BBS9: variants seen among roughly 807,000 people sequenced by gnomAD.
BBS9 encodes the protein protein PTHB1.
Under a neutral mutation model 117.7 loss-of-function variants are expected in BBS9, and 89 were observed. The ratio of observed to expected loss-of-function variants is 0.76; its 90% CI spans 0.64 to 0.90. The LOEUF (loss-of-function observed/expected upper bound fraction) is 0.90, where lower values mean the gene tolerates loss of function less well. Among genes scored for constraint, BBS9 ranks in the 40% least tolerant of loss-of-function variants. The probability of loss-of-function intolerance (pLI) is 0.00; values close to 1 mark genes in which losing one functional copy is unlikely to be tolerated. For missense variants in BBS9, 982 were observed against 1,042.2 expected, an observed-to-expected ratio of 0.94 and a Z score of 0.80; for synonymous variants, 379 against 370.9, an observed-to-expected ratio of 1.02 and a Z score of -0.25.
chr7:33,441,226 T>C (rs1208868710), intron 19 of BBS9, among the ~76,000 whole-genome samples: 1 of 151,484 alleles, frequency 6.6e-6, no homozygotes, highest in East Asian at 1.9e-4. Context: ...CCAGGAATGC[T>C]CCCTATTTGT....
chr7:33,325,282 A>G (rs1812602325), intron 9 of BBS9, among the ~76,000 whole-genome samples: 1 of 152,144 alleles, frequency 6.6e-6, no homozygotes, highest in Non-Finnish European at 1.5e-5. Context: ...TGCATTCTTC[A>G]TTATGTCAGT....
At chr7:33,577,085 G>A (rs1859033069) in intron 21 of BBS9, among the ~76,000 whole-genome samples, 1 of 152,150 alleles carries the variant, frequency 6.6e-6, no homozygotes, top group African/African-American at 2.4e-5. Context: ...CTTCTGCACA[G>A]CAAAAGAAGT....
At chr7:33,606,662 A>G (rs996367361), downstream of BBS9, among the ~76,000 whole-genome samples, 3 of 152,054 alleles carry the variant, frequency 2.0e-5, no homozygotes, top group African/African-American at 7.2e-5. Context: ...CCTACTTCCC[A>G]GATTTTTTTG....
At chr7:33,211,014 T>C (rs1438261895) in intron 5 of BBS9, among the ~76,000 whole-genome samples, 1 of 152,250 alleles carries the variant, frequency 6.6e-6, no homozygotes, top group African/African-American at 2.4e-5. Flanking sequence ...GATTTCCATT[T>C]GCATGGAATC....
chr7:33,440,347 A>G (rs903129793), intron 19 of BBS9, among the ~76,000 whole-genome samples: 6 of 152,190 alleles, frequency 3.9e-5, no homozygotes, highest in Non-Finnish European at 1.5e-5. Context: ...TACATGGTAT[A>G]TGTTCTTAGT....
intron 19 of BBS9, among the ~76,000 whole-genome samples, chr7:33,441,082 T>C (rs1252742150): frequency 6.6e-6 from 1 of 152,100 alleles, no homozygotes; most frequent in African/African-American, 2.4e-5. Flanking sequence ...AAGAAAAATG[T>C]TTAAATGGAA....
At chr7:33,185,099 T>C (rs1015469150) in intron 5 of BBS9, among the ~76,000 whole-genome samples, 1 of 152,196 alleles carries the variant, frequency 6.6e-6, no homozygotes, top group African/African-American at 2.4e-5. Flanking sequence ...TTATAATTAG[T>C]GATAATGAGT....
chr7:33,294,210 C>T (rs940291518), intron 9 of BBS9, among the ~76,000 whole-genome samples: 1 of 152,026 alleles, frequency 6.6e-6, no homozygotes, highest in Non-Finnish European at 1.5e-5. Flanking sequence ...TAAATGTTTA[C>T]TTCTGTTAGC....
chr7:33,415,530 A>G (rs992968177), intron 19 of BBS9, among the ~76,000 whole-genome samples: 9 of 152,184 alleles, frequency 5.9e-5, no homozygotes, highest in Non-Finnish European at 7.4e-5. Context: ...TTCACAGTAA[A>G]ACAGTAAGAC....
chr7:33,296,768 G>A lies in BBS9; in HGVS notation c.1016+22812G>A, dbSNP rs371821531. ...GATTAAAGGCCCATGGCCCCTGTAG[G>A]TGCCCTGAAGCAAATTTGTTCAGAA... is the stretch of plus-strand genomic sequence containing the variant. On this transcript the variant is annotated intron_variant, in intron 9 of 22. Coordinates refer to ENST00000242067, the MANE Select transcript of BBS9 (RefSeq NM_198428.3). Among the ~76,000 whole-genome samples the A allele has an allele frequency of 1.5e-4, 23 of 152,228 alleles. No homozygotes were observed. The East Asian group carries it at 1.9e-3, about 13-fold the overall frequency.
chr7:33,129,630 C>T lies in BBS9; in HGVS notation c.-423C>T. ...GAGGTGTCCCTTCCGCTGCGGCCGT[C>T]GGGTTTCTGCTACATCCCATTCACC... On this transcript the variant is annotated 5_prime_UTR_variant, in exon 1 of 23. Coordinates refer to ENST00000242067, the MANE Select transcript of BBS9 (RefSeq NM_198428.3). 1 of 153,260 alleles carries T rather than the reference C, an allele frequency of 6.5e-6. No homozygotes were observed. Among genetic ancestry groups the T allele is most frequent in the Non-Finnish European group, 1.5e-5 (1 of 68,730 alleles). The allele number at this position is 153,260 out of a possible 1,614,324, so 9.5% of individuals were successfully genotyped here.
chr7:33,579,866 A>T (rs1465926525), intron 21 of BBS9, among the ~76,000 whole-genome samples: 1 of 152,198 alleles, frequency 6.6e-6, no homozygotes, highest in Non-Finnish European at 1.5e-5. Context: ...AACACCAACC[A>T]AAAAATGTAA....
chr7:33,599,520 G>C (rs1863461565), intron 21 of BBS9, among the ~76,000 whole-genome samples: 1 of 152,132 alleles, frequency 6.6e-6, no homozygotes, highest in South Asian at 2.1e-4. Context: ...AATTTTTACA[G>C]TGAGGTTTAG....
chr7:33,510,661 G>A (rs1262758920), intron 20 of BBS9, among the ~76,000 whole-genome samples: 1 of 152,076 alleles, frequency 6.6e-6, no homozygotes. Flanking sequence ...TAATATGGTA[G>A]CCCCTTGTCA....
intron 21 of BBS9, among the ~76,000 whole-genome samples, chr7:33,545,658 C>T (rs774831600): frequency 3.9e-5 from 6 of 152,090 alleles, no homozygotes; most frequent in Non-Finnish European, 5.9e-5. Context: ...CAAGCCTCCC[C>T]GTACTGCTCT....
At chr7:33,570,179 A>G (rs1337040190) in intron 21 of BBS9, among the ~76,000 whole-genome samples, 1 of 152,184 alleles carries the variant, frequency 6.6e-6, no homozygotes, top group African/African-American at 2.4e-5. Context: ...AAATACTTTA[A>G]AAAAGGAACC....
intron 5 of BBS9, among the ~76,000 whole-genome samples, chr7:33,239,589 C>T (rs907051102): frequency 6.6e-6 from 1 of 152,042 alleles, no homozygotes; most frequent in Non-Finnish European, 1.5e-5. Flanking sequence ...CCTAATCATA[C>T]AGATGTTTTA....
chr7:33,348,402 A>G lies in BBS9; in HGVS notation c.1330-666A>G, dbSNP rs114034932. 9.2e-3 allele frequency among the ~76,000 whole-genome samples: 1,393 copies of G among 152,232 alleles called. 22 individuals are homozygous for G. The highest frequency in any genetic ancestry group is 0.032 in the African/African-American group (1,332 of 41,554). ...GTTTTTATCATTAATGTTATTCATA[A>G]TGTATTTCATTTCTTTTATTGCTGA... On this transcript the variant is annotated intron_variant, in intron 12 of 22. Coordinates refer to ENST00000242067, the MANE Select transcript of BBS9 (RefSeq NM_198428.3).
Position 33,351,324 on chromosome 7 carries a change from G to GT in BBS9, c.1537+2dup. On this transcript the variant is annotated splice_donor_variant, in intron 14 of 22. Transcript: ENST00000242067. LOFTEE classifies it high-confidence loss of function. ...GTTGTTTCTTATTCCAGACCAACAG[G>GT]TAAACATACAGGCTTAATCATTACT... The GT allele has an allele frequency of 1.3e-6, 2 of 1,580,556 alleles. No individual in the cohort carries two copies. The highest frequency in any genetic ancestry group is 1.7e-6 in the Non-Finnish European group (2 of 1,149,610).
Sources: allele counts gnomAD v4.1 joint callset (sites outside exome capture counted in the v4.1 genomes callset), GRCh38; gene constraint gnomAD v4.1.1; transcripts MANE v1.5; gene names NCBI Gene and HGNC (gene_info 2026-07-23, HGNC 2026-07-21).